The following ST7 variants were observed in gnomAD, a reference collection of about 807,000 sequenced individuals.
ST7 encodes the protein suppression of tumorigenicity 7.
In ST7, 28 loss-of-function variants were observed where a neutral mutation model predicts 78.7. The ratio of observed to expected loss-of-function variants is 0.36; its 90% confidence interval spans 0.26 to 0.49. The LOEUF is 0.49. Among genes scored for constraint, ST7 ranks in the 20% least tolerant of loss-of-function variants. ST7 has a pLI of 0.99. For missense variants in ST7, 418 were observed against 696.0 expected, an observed-to-expected ratio of 0.60 and a Z score of 4.49; for synonymous variants, 247 against 249.6, an observed-to-expected ratio of 0.99 and a Z score of 0.10.
At chr7:117,011,148 G>A (rs960069268) in intron 1 of ST7, among the ~76,000 whole-genome samples, 4 of 152,128 alleles carry the variant, frequency 2.6e-5, no homozygotes, top group African/African-American at 7.2e-5. Flanking sequence ...GTGTGTGTGT[G>A]TGTGTTAATG....
chr7:117,032,234 T>A (rs1032403797), intron 1 of ST7, among the ~76,000 whole-genome samples: 2 of 152,084 alleles, frequency 1.3e-5, no homozygotes, highest in Non-Finnish European at 2.9e-5. Context: ...CTTAGAACAT[T>A]TAAAAATTAT....
chr7:116,971,925 G>A (rs983659189), intron 1 of ST7, among the ~76,000 whole-genome samples: 1 of 152,174 alleles, frequency 6.6e-6, no homozygotes, highest in Non-Finnish European at 1.5e-5. Flanking sequence ...ATTATGCATT[G>A]TGCTCACATT....
intron 1 of ST7, among the ~76,000 whole-genome samples, chr7:116,967,728 A>G (rs984541625): frequency 6.6e-6 from 1 of 152,222 alleles, no homozygotes; most frequent in Non-Finnish European, 1.5e-5. Flanking sequence ...AGCCTTAACC[A>G]GTGCCAGCAC....
chr7:116,988,806 A>T (rs532689949), intron 1 of ST7, among the ~76,000 whole-genome samples: 1 of 152,346 alleles, frequency 6.6e-6, no homozygotes, highest in South Asian at 2.1e-4. Flanking sequence ...CTTGCCTCAG[A>T]CTGAACTTCC....
At chr7:117,181,855 G>A (rs535531330) in intron 10 of ST7, among the ~76,000 whole-genome samples, 1 of 152,192 alleles carries the variant, frequency 6.6e-6, no homozygotes, top group South Asian at 2.1e-4. Context: ...TAGTGTAAAT[G>A]GCCCTTTTCC....
At chr7:117,045,889 A>G (rs186077296) in intron 1 of ST7, among the ~76,000 whole-genome samples, 19 of 152,244 alleles carry the variant, frequency 1.2e-4, no homozygotes, top group African/African-American at 4.3e-4. Flanking sequence ...TAGGATTTCT[A>G]CCTTTCAGTT....
chr7:117,164,624 C>G (rs564758148), intron 9 of ST7, among the ~76,000 whole-genome samples: 1 of 152,320 alleles, frequency 6.6e-6, no homozygotes, highest in East Asian at 1.9e-4. Flanking sequence ...ACTCTTTCCT[C>G]TGCAATACAG....
intron 10 of ST7, among the ~76,000 whole-genome samples, chr7:117,171,224 C>G (rs1311004176): frequency 1.3e-5 from 2 of 152,104 alleles, no homozygotes; most frequent in East Asian, 3.9e-4. Context: ...CTCATGCTCT[C>G]CCCATCAGGC....
intron 15 of ST7, chr7:117,223,386 T>G (rs1406833481): frequency 1.6e-5 from 3 of 184,522 alleles, no homozygotes; most frequent in Non-Finnish European, 3.4e-5. Context: ...ATTTCTCCAG[T>G]GGATTCCCAG....
At chr7:117,097,906 A>ATTTTTTTT (rs1353568782) in intron 1 of ST7, among the ~76,000 whole-genome samples, 2 of 30,952 alleles carry the variant, frequency 6.5e-5, no homozygotes, top group African/African-American at 1.4e-4. Flanking sequence ...ATATATATAT[A>ATTTTTTTT]TATTTTTTTT....
intron 8 of ST7, chr7:117,137,216 G>A (rs1804863015): frequency 6.6e-6 from 1 of 152,056 alleles, no homozygotes; most frequent in African/African-American, 2.4e-5. Flanking sequence ...CATAACTAAG[G>A]TGCCAGCAAA....
intron 1 of ST7, among the ~76,000 whole-genome samples, chr7:117,028,366 T>C (rs1796309849): frequency 6.6e-6 from 1 of 152,178 alleles, no homozygotes; most frequent in African/African-American, 2.4e-5. Flanking sequence ...CTGTTAAGAT[T>C]GAGGCTTTTG....
chr7:117,077,633 A>C (rs561676811), intron 1 of ST7, among the ~76,000 whole-genome samples: 1 of 152,214 alleles, frequency 6.6e-6, no homozygotes, highest in African/African-American at 2.4e-5. Context: ...AATGCAAGCC[A>C]TAATAGCTCC....
intron 1 of ST7, chr7:117,020,513 C>A: frequency 6.8e-7 from 1 of 1,470,768 alleles, no homozygotes; most frequent in East Asian, 2.5e-5. Flanking sequence ...CGGCTCATCT[C>A]TTCACTCTCA....
At chr7:117,141,291 C>T (rs1263756553) in intron 9 of ST7, among the ~76,000 whole-genome samples, 1 of 151,788 alleles carries the variant, frequency 6.6e-6, no homozygotes, top group Non-Finnish European at 1.5e-5. Context: ...AAAGCAGAAT[C>T]GTTTAAAGAA....
intron 1 of ST7, chr7:116,955,131 A>G (rs762697371): frequency 5.3e-5 from 25 of 470,732 alleles, no homozygotes; most frequent in Non-Finnish European, 1.0e-4. Flanking sequence ...TTGTCGCAAT[A>G]TTGTCTTCTT....
chr7:116,984,651 A>G (rs1794113622), intron 1 of ST7, among the ~76,000 whole-genome samples: 1 of 152,132 alleles, frequency 6.6e-6, no homozygotes, highest in African/African-American at 2.4e-5. Context: ...TCATTTGTAC[A>G]GTGGGGATTT....
intron 5 of ST7, 29 bp downstream of exon 5, chr7:117,130,635 T>C: frequency 6.4e-7 from 1 of 1,564,784 alleles, no homozygotes; most frequent in Non-Finnish European, 8.7e-7. Context: ...TCCTTCTGAA[T>C]GGGAGGGCTT....
intron 1 of ST7, among the ~76,000 whole-genome samples, chr7:117,028,419 A>T (rs1796312600): frequency 2.0e-5 from 3 of 152,116 alleles, no homozygotes; most frequent in Admixed American, 2.0e-4. Flanking sequence ...AAGCGTATAG[A>T]TTAGGAAATC....
Sources: gnomAD v4.1 joint callset for allele counts (sites outside exome capture counted in the v4.1 genomes callset) on GRCh38, gnomAD v4.1.1 for gene constraint, MANE v1.5 for transcripts, NCBI Gene and HGNC (gene_info 2026-07-23, HGNC 2026-07-21) for gene names.